The following CENPU variants were observed in gnomAD, a reference collection of about 807,000 sequenced individuals.
CENPU encodes KSHV latent nuclear antigen interacting protein 1.
In CENPU, 46 loss-of-function variants were observed where a neutral mutation model predicts 56.7. The ratio of observed to expected loss-of-function variants is 0.81; its 90% CI spans 0.64 to 1.04. The LOEUF is 1.04. CENPU is among the 50% of genes least tolerant of loss of function. The probability of loss-of-function intolerance (pLI) is 0.00; values close to 1 mark genes in which losing one functional copy is unlikely to be tolerated. For missense variants in CENPU, 510 were observed against 490.1 expected (o/e 1.04, Z -0.38); for synonymous variants, 166 against 163.0 (o/e 1.02, Z -0.14).
intron 8 of CENPU, among the ~76,000 whole-genome samples, chr4:184,703,355 C>T (rs1251766157): frequency 6.6e-6 from 1 of 152,132 alleles, no homozygotes; most frequent in Non-Finnish European, 1.5e-5. Context: ...GGTGTTAGTT[C>T]TTCAGAAACT....
rs536080864 is a variant in CENPU at position 184,699,331 on chromosome 4, AAAATAAAT to A, written c.986+1481_986+1488del. 4.0e-5 allele frequency among the ~76,000 whole-genome samples: 6 copies of A among 149,780 alleles called. No individual in the cohort carries two copies. In the East Asian group the frequency reaches 1.2e-3, roughly 29 times the overall value. On this transcript the variant is annotated intron_variant, in intron 11 of 12. Transcript: ENST00000281453. ...GGCGACAGAGCCAGACTCCGTCTCA[AAAATAAAT>A]AAATAAATAAATAAATAAAATAAAC... is the stretch of plus-strand genomic sequence containing the variant.
intron 1 of CENPU, chr4:184,733,402 C>T: frequency 1.0e-6 from 1 of 993,228 alleles, no homozygotes; most frequent in East Asian, 1.1e-4. Context: ...GAGACCCTTC[C>T]CGCCAGATCC....
chr4:184,695,762 T>C (rs1343309465), intron 12 of CENPU, among the ~76,000 whole-genome samples: 1 of 152,174 alleles, frequency 6.6e-6, no homozygotes, highest in Non-Finnish European at 1.5e-5. Flanking sequence ...CTTGATATCA[T>C]GTCTATTTTA....
intron 4 of CENPU, among the ~76,000 whole-genome samples, chr4:184,720,491 C>T (rs1761240145): frequency 6.6e-6 from 1 of 152,094 alleles, no homozygotes. Context: ...CAGAGAACTT[C>T]CTAAACCAGA....
chr4:184,713,900 C>A (rs1397512829), intron 6 of CENPU: 1 of 152,178 alleles, frequency 6.6e-6, no homozygotes, highest in African/African-American at 2.4e-5. Context: ...AGCACAGGTG[C>A]CTGTGGGGGG....
chr4:184,710,895 G>T (rs972282354), intron 7 of CENPU, among the ~76,000 whole-genome samples: 1 of 151,944 alleles, frequency 6.6e-6, no homozygotes, highest in Non-Finnish European at 1.5e-5. Flanking sequence ...TCACTCTGTT[G>T]CCCAAGCTGC....
chr4:184,702,132 T>C lies in CENPU; in HGVS notation c.881A>G (p.Lys294Arg). The C allele has an allele frequency of 6.2e-7, 1 of 1,607,404 alleles. No individual in the cohort carries two copies. Among genetic ancestry groups the C allele is most frequent in the East Asian group, 2.2e-5 (1 of 44,804 alleles). ...CAGATTTGTCAACATCTGGCTTTCT[T>C]TAAGCTACACAAAACAAAAAATACA... Reference protein sequence around the residue: ...NVKEQFIKMLKESQMLTNLKR... With the variant: ...NVKEQFIKMLRESQMLTNLKR... The change falls in exon 10 of 13, where the codon AAA becomes AGA. Residue 294 changes from lysine to arginine, a missense_variant. Physicochemically the swap from Lys to Arg is conservative, Grantham distance 26 (BLOSUM62 2). Coordinates refer to ENST00000281453, the MANE Select transcript of CENPU (RefSeq NM_024629.4).
In CENPU at chr4:184,695,200, A is replaced by G; in HGVS notation, c.*88T>C. ...TCTAAGTAGGCCATAACTTCTTTGC[A>G]AAACAATTGATTTATAAAGGTACAG... On this transcript the variant is annotated 3_prime_UTR_variant, in exon 13 of 13. Transcript: ENST00000281453. 1.1e-6 allele frequency: 1 copy of G among 910,338 alleles called. No individual in the cohort carries two copies. The highest frequency in any genetic ancestry group is 1.8e-6 in the Non-Finnish European group (1 of 566,978). The allele number at this position is 910,338 out of a possible 1,614,324, so 56.4% of individuals were successfully genotyped here.
intron 11 of CENPU, among the ~76,000 whole-genome samples, chr4:184,698,888 G>A (rs574401648): frequency 6.8e-5 from 7 of 103,370 alleles, no homozygotes; most frequent in African/African-American, 1.8e-4. Context: ...GGGCTGCACC[G>A]TAGGCAAGTT....
chr4:184,723,693 A>C (rs1023975503), intron 4 of CENPU, among the ~76,000 whole-genome samples: 1 of 151,900 alleles, frequency 6.6e-6, no homozygotes, highest in African/African-American at 2.4e-5. Flanking sequence ...AAATACAAAA[A>C]TTAGCTGGAC....
chr4:184,702,068 C>G, intron 10 of CENPU, 21 bp downstream of exon 10: 1 of 1,536,974 alleles, frequency 6.5e-7, no homozygotes, highest in African/African-American at 1.4e-5. Context: ...CTCTATGACT[C>G]TAATCACATA....
chr4:184,715,299 A>T (rs891406913), intron 6 of CENPU, among the ~76,000 whole-genome samples: 1 of 152,220 alleles, frequency 6.6e-6, no homozygotes, highest in Admixed American at 6.5e-5. Flanking sequence ...TATGTCAAGA[A>T]TTTTAGCACC....
chr4:184,708,982 G>C (rs752597071), intron 8 of CENPU, among the ~76,000 whole-genome samples: 4 of 151,692 alleles, frequency 2.6e-5, no homozygotes, highest in Non-Finnish European at 5.9e-5. Context: ...ACTTTTTTAA[G>C]TTAAAAAAAA....
chr4:184,707,365 G>A (rs969365122), intron 8 of CENPU, among the ~76,000 whole-genome samples: 1 of 144,626 alleles, frequency 6.9e-6, no homozygotes, highest in East Asian at 2.0e-4. Flanking sequence ...GCTCACCCCC[G>A]CTCCCCTGCC....
At chr4:184,724,690 T>C (rs1485897240) in intron 4 of CENPU, among the ~76,000 whole-genome samples, 2 of 152,216 alleles carry the variant, frequency 1.3e-5, no homozygotes, top group African/African-American at 4.8e-5. Flanking sequence ...AATCTTTCCC[T>C]CCTTTCTTAT....
Position 184,716,389 on chromosome 4 carries a change from G to T in CENPU, c.618+8C>A. ...TTTGCCCTCCTAGGGGATGGCAGAC[G>T]TTCTTACCGATTGACTTTCTATTGC... On this transcript the variant is annotated splice_region_variant and intron_variant, in intron 6 of 12. Transcript: ENST00000281453. 6 of 1,606,318 alleles carry T rather than the reference G, an allele frequency of 3.7e-6. No homozygotes were observed. Among genetic ancestry groups the T allele is most frequent in the African/African-American group, 2.7e-5 (2 of 74,724 alleles).
chr4:184,708,301 T>C (rs1760800731), intron 8 of CENPU, among the ~76,000 whole-genome samples: 1 of 147,484 alleles, frequency 6.8e-6, no homozygotes. Context: ...ATGGGACAAA[T>C]GGCAGAATGG....
rs751730643 is a variant in CENPU at position 184,697,707 on chromosome 4, T to C, written c.1083A>G (p.Leu361=). ...LRNAAYFLSN[L]KQLYQDYSDV... is the part of the protein sequence containing the mutation. Reference sequence around the variant, plus strand: ...CTGAATAATCTTGATAAAGCTGTTTTAAATTAGATAAGAAATATGCTGCAT... The same window carrying C: ...CTGAATAATCTTGATAAAGCTGTTTCAAATTAGATAAGAAATATGCTGCAT... Residue 361 remains leucine, a synonymous_variant, in exon 12 of 13, where the codon TTA becomes TTG. Transcript: ENST00000281453. 9 of 1,612,740 alleles carry C rather than the reference T, an allele frequency of 5.6e-6. No homozygotes were observed. In the East Asian group the frequency reaches 1.8e-4, roughly 32 times the overall value.
intron 6 of CENPU, among the ~76,000 whole-genome samples, chr4:184,715,927 C>T (rs2310106): frequency 0.94 from 139,730 of 148,564 alleles, 65,677 homozygotes; most frequent in East Asian, 1. Flanking sequence ...TACCTTCTAG[C>T]TTTTTTTTTG....
Sources: gnomAD v4.1 joint callset for allele counts (sites outside exome capture counted in the v4.1 genomes callset) on GRCh38, gnomAD v4.1.1 for gene constraint, MANE v1.5 for transcripts, NCBI Gene and HGNC (gene_info 2026-07-23, HGNC 2026-07-21) for gene names.